OS9: variants seen among roughly 807,000 people sequenced by gnomAD.
OS9 encodes OS9 endoplasmic reticulum lectin, also known as protein OS-9.
A neutral mutation model predicts 84.7 loss-of-function variants in OS9; 58 were observed. The ratio of observed to expected loss-of-function variants is 0.68; its 90% confidence interval spans 0.55 to 0.85. The LOEUF is 0.85. Ranked by LOEUF, OS9 falls within the 40% of genes least tolerant of loss-of-function variation. The pLI, the probability that OS9 is intolerant of heterozygous loss-of-function variation, is 0.00. For synonymous variants in OS9, 278 were observed against 320.8 expected, an observed-to-expected ratio of 0.87 and a Z score of 1.43; for missense variants, 760 against 850.9, an observed-to-expected ratio of 0.89 and a Z score of 1.33.
At chr12:57,696,113 A>G in intron 4 of OS9, 75 bp downstream of exon 4, 1 of 1,298,082 alleles carries the variant, frequency 7.7e-7, no homozygotes, top group South Asian at 1.2e-5. Flanking sequence ...GGGGAGGGTC[A>G]AGATTAGCTG....
At chr12:57,696,452 C>CGGGG (rs1555192314) in intron 5 of OS9, 79 bp downstream of exon 5, 7 of 12,562 alleles carry the variant, frequency 5.6e-4, no homozygotes, top group African/African-American at 3.5e-3. Context: ...ATCTTATAGT[C>CGGGG]GGGGCGGGGG....
At chr12:57,711,865 G>C (rs1026276148) in intron 5 of OS9, among the ~76,000 whole-genome samples, 3 of 152,182 alleles carry the variant, frequency 2.0e-5, no homozygotes, top group African/African-American at 7.2e-5. Flanking sequence ...GAGGAGAGAG[G>C]ATCACTTGAG....
Position 57,717,867 on chromosome 12 carries a change from C to A in OS9, c.1046-3C>A. ...GTTCATGATTATTATTCTTTCATCT[C>A]AGATTTTCAGAACAACGTGCAGGTC... On this transcript the variant is annotated splice_polypyrimidine_tract_variant and splice_region_variant and intron_variant, in intron 9 of 14. Coordinates refer to ENST00000315970, the MANE Select transcript of OS9 (RefSeq NM_006812.4). 1 of 1,533,220 alleles carries A rather than the reference C, an allele frequency of 6.5e-7. No homozygotes were observed. The allele number at this position is 1,533,220 out of a possible 1,614,324, so 95.0% of individuals were successfully genotyped here. A position where few individuals can be genotyped will look rare whatever the true frequency, so the allele number is the denominator to read the frequency against.
chr12:57,714,078 G>A (rs1954410213), intron 5 of OS9, among the ~76,000 whole-genome samples: 1 of 151,446 alleles, frequency 6.6e-6, no homozygotes, highest in Admixed American at 6.6e-5. Context: ...CTGCACTCCA[G>A]CCTGGGTGAC....
At chr12:57,694,686 G>T (rs754157723) in intron 1 of OS9, 64 bp from the exon 2 acceptor site, 1 of 1,514,298 alleles carries the variant, frequency 6.6e-7, no homozygotes, top group Non-Finnish European at 9.2e-7. Flanking sequence ...GAGGGATTTC[G>T]TTGTTCTCCC....
intron 5 of OS9, 35 bp from the exon 6 acceptor site, chr12:57,715,725 G>C (rs1278119713): frequency 5.5e-6 from 8 of 1,447,466 alleles, no homozygotes; most frequent in Non-Finnish European, 6.7e-6. Flanking sequence ...ATTATTGTTG[G>C]TGATTAAGTG....
At chr12:57,704,246 G>T (rs1267574058) in intron 5 of OS9, among the ~76,000 whole-genome samples, 1 of 152,174 alleles carries the variant, frequency 6.6e-6, no homozygotes, top group African/African-American at 2.4e-5. Context: ...ATGTATAAAA[G>T]ATATTAGTCG....
chr12:57,714,224 G>A (rs1954415795), intron 5 of OS9, among the ~76,000 whole-genome samples: 1 of 152,146 alleles, frequency 6.6e-6, no homozygotes, highest in Admixed American at 6.5e-5. Flanking sequence ...TGTTTGTATT[G>A]AGACAGAGTT....
chr12:57,707,605 G>T (rs960447045), intron 5 of OS9, among the ~76,000 whole-genome samples: 8 of 152,212 alleles, frequency 5.3e-5, no homozygotes, highest in African/African-American at 1.9e-4. Context: ...CTTCATGTTG[G>T]TCAGGCTGGT....
intron 5 of OS9, among the ~76,000 whole-genome samples, chr12:57,714,468 G>A (rs1054508908): frequency 3.9e-5 from 6 of 152,182 alleles, no homozygotes; most frequent in African/African-American, 1.4e-4. Context: ...GCCTCCCAAA[G>A]TGCTGGGATT....
intron 5 of OS9, among the ~76,000 whole-genome samples, chr12:57,700,679 G>A (rs1388263451): frequency 1.3e-5 from 2 of 152,088 alleles, no homozygotes; most frequent in African/African-American, 4.8e-5. Context: ...ATTGGTGTGT[G>A]TTTTAAGATG....
At chr12:57,697,507 G>T (rs534751038) in intron 5 of OS9, among the ~76,000 whole-genome samples, 1 of 152,262 alleles carries the variant, frequency 6.6e-6, no homozygotes, top group South Asian at 2.1e-4. Flanking sequence ...AAGATTTTTG[G>T]CTTGAGCAAC....
In OS9 at chr12:57,717,792, CAAAAA is replaced by C. The variant is rs59663591; in HGVS notation, c.1046-55_1046-51del. Reference sequence around the variant, plus strand: ...TGGGTGACAGTGCAAGACTCTGTCTCAAAAAAAAAAAAAAAAAAAAAAAAAAAGAA... The same window carrying C: ...TGGGTGACAGTGCAAGACTCTGTCTCAAAAAAAAAAAAAAAAAAAAAAGAA... On this transcript the variant is annotated intron_variant, in intron 9 of 14. Transcript: ENST00000315970. 3,463 of 426,436 alleles carry C rather than the reference CAAAAA, an allele frequency of 8.1e-3. 3 individuals carry two copies. The highest frequency in any genetic ancestry group is 9.1e-3 in the Admixed American group (199 of 21,930). 26.4% of individuals were successfully genotyped at this position (426,436 alleles called of 1,614,324 possible).
rs201237041 is a variant in OS9 at position 57,720,092 on chromosome 12, C to G, written c.1601-7C>G. The G allele has an allele frequency of 1.7e-4, 278 of 1,613,108 alleles. No individual in the cohort carries two copies. Among genetic ancestry groups the G allele is most frequent in the Admixed American group, 3.3e-4 (20 of 59,962 alleles). On this transcript the variant is annotated splice_polypyrimidine_tract_variant and splice_region_variant and intron_variant, in intron 12 of 14. Coordinates refer to ENST00000315970, the MANE Select transcript of OS9 (RefSeq NM_006812.4). Reference sequence around the variant, plus strand: ...TTTGTGTTTCCCTGTGTGTCTCCCCCTCTAAGAGGAGGATCCTGAGCACAG... The same window carrying G: ...TTTGTGTTTCCCTGTGTGTCTCCCCGTCTAAGAGGAGGATCCTGAGCACAG...
At chr12:57,716,313 C>T in intron 7 of OS9, 99 bp from the exon 8 acceptor site, 1 of 1,141,254 alleles carries the variant, frequency 8.8e-7, no homozygotes, top group Non-Finnish European at 1.3e-6. Flanking sequence ...GGGCCCTCCT[C>T]CCTTGGTGAT....
intron 10 of OS9, 21 bp from the exon 11 acceptor site, chr12:57,718,125 C>T (rs1299662467): frequency 6.2e-7 from 1 of 1,607,968 alleles, no homozygotes; most frequent in South Asian, 1.1e-5. Context: ...CTGTCTTTCT[C>T]CCCACTCCCT....
Position 57,716,102 on chromosome 12 carries a change from G to A in OS9, c.801G>A (p.Gln267=). 6.2e-7 allele frequency: 1 copy of A among 1,613,654 alleles called. No homozygotes were observed. The highest frequency in any genetic ancestry group is 1.7e-5 in the Admixed American group (1 of 60,016). ...GCTGTTTCTCAGTAGACTCAAAGCA[G>A]TATGGAGATAAAATCATAGAGGAGC... is the stretch of plus-strand genomic sequence containing the variant. ...AYVQRQADSK[Q]YGDKIIEELQ... Residue 267 remains glutamine (Q), a synonymous_variant, in exon 7 of 15, where the codon CAG becomes CAA. Coordinates refer to ENST00000315970, the MANE Select transcript of OS9 (RefSeq NM_006812.4).
At chr12:57,706,403 A>G (rs569536669) in intron 5 of OS9, among the ~76,000 whole-genome samples, 4 of 151,666 alleles carry the variant, frequency 2.6e-5, no homozygotes, top group African/African-American at 9.7e-5. Flanking sequence ...ATTAACTTTT[A>G]TAACTATTTT....
chr12:57,706,846 G>GAAAAAAAAAAAAAAA (rs11423380), intron 5 of OS9, among the ~76,000 whole-genome samples: 3 of 41,732 alleles, frequency 7.2e-5, no homozygotes, highest in South Asian at 1.2e-3. Context: ...ATGACTCTCT[G>GAAAAAAAAAAAAAAA]AAAAAAAAAA....
Sources: allele counts gnomAD v4.1 joint callset (sites outside exome capture counted in the v4.1 genomes callset), GRCh38; gene constraint gnomAD v4.1.1; transcripts MANE v1.5; gene names NCBI Gene and HGNC (gene_info 2026-07-23, HGNC 2026-07-21).